The following GPR158 variants were observed in gnomAD, a reference collection of about 807,000 sequenced individuals.
GPR158 encodes the protein metabotropic glycine receptor.
GPR158 carries 30 observed loss-of-function variants against 78.2 expected under a neutral mutation model. The observed-to-expected ratio is 0.38, with a 90% CI of 0.29 to 0.52. The LOEUF (loss-of-function observed/expected upper bound fraction) is 0.52, where lower values mean the gene tolerates loss of function less well. Among genes scored for constraint, GPR158 ranks in the 20% least tolerant of loss-of-function variants. The pLI, the probability that GPR158 is intolerant of heterozygous loss-of-function variation, is 0.83. For synonymous variants in GPR158, 581 were observed against 591.1 expected (o/e 0.98, Z 0.25); for missense variants, 1,463 against 1,523.5 (o/e 0.96, Z 0.66).
At chr10:25,549,637 G>A (rs368936752) in intron 5 of GPR158, among the ~76,000 whole-genome samples, 1 of 152,038 alleles carries the variant, frequency 6.6e-6, no homozygotes, top group East Asian at 1.9e-4. Context: ...AAACAACATT[G>A]TCTCCTGTTC....
chr10:25,311,784 AT>A (rs1182668972), intron 2 of GPR158, among the ~76,000 whole-genome samples: 1 of 151,788 alleles, frequency 6.6e-6, no homozygotes, highest in Non-Finnish European at 1.5e-5. Flanking sequence ...ATGTTCATTA[AT>A]TTTTTTAAAA....
intron 4 of GPR158, among the ~76,000 whole-genome samples, chr10:25,464,756 C>T (rs932299036): frequency 5.3e-5 from 8 of 152,134 alleles, no homozygotes; most frequent in Admixed American, 4.6e-4. Flanking sequence ...TACAGACAGT[C>T]ATGTATAATA....
intron 4 of GPR158, among the ~76,000 whole-genome samples, chr10:25,460,309 C>T (rs1835341433): frequency 6.6e-6 from 1 of 151,764 alleles, no homozygotes; most frequent in African/African-American, 2.4e-5. Flanking sequence ...TCAAGCAATT[C>T]TCCTGCCTCA....
intron 2 of GPR158, among the ~76,000 whole-genome samples, chr10:25,259,704 A>G (rs541263390): frequency 8.0e-4 from 122 of 152,248 alleles, no homozygotes; most frequent in Non-Finnish European, 1.5e-3. Flanking sequence ...AAAATACTGC[A>G]TTCCTGTTTC....
intron 7 of GPR158, among the ~76,000 whole-genome samples, chr10:25,585,936 G>T (rs1350116953): frequency 6.6e-6 from 1 of 152,096 alleles, no homozygotes; most frequent in African/African-American, 2.4e-5. Flanking sequence ...CCACGATCGT[G>T]CCACAACACT....
chr10:25,586,650 T>G (rs1837273246), intron 7 of GPR158, among the ~76,000 whole-genome samples: 1 of 152,080 alleles, frequency 6.6e-6, no homozygotes, highest in Non-Finnish European at 1.5e-5. Context: ...CTGACCAGCC[T>G]GATCCACCTG....
chr10:25,415,072 C>G (rs1404075663), intron 4 of GPR158, among the ~76,000 whole-genome samples: 1 of 152,034 alleles, frequency 6.6e-6, no homozygotes. Flanking sequence ...ACCCAAGAAA[C>G]TTTTATTAGG....
At chr10:25,420,066 C>A (rs768335592) in intron 4 of GPR158, among the ~76,000 whole-genome samples, 6 of 152,092 alleles carry the variant, frequency 3.9e-5, no homozygotes, top group Non-Finnish European at 5.9e-5. Context: ...TAATCTCTTA[C>A]TAGATATATG....
At chr10:25,204,528 T>C (rs1852987887) in intron 1 of GPR158, among the ~76,000 whole-genome samples, 1 of 152,202 alleles carries the variant, frequency 6.6e-6, no homozygotes. Flanking sequence ...GTTTCTGTTT[T>C]GGTTCTGTTT....
intron 2 of GPR158, among the ~76,000 whole-genome samples, chr10:25,299,718 C>T (rs892037926): frequency 8.5e-5 from 13 of 152,176 alleles, no homozygotes; most frequent in African/African-American, 3.1e-4. Flanking sequence ...TGTTTATACT[C>T]GTGTCTTTCT....
intron 1 of GPR158, among the ~76,000 whole-genome samples, chr10:25,198,394 C>T (rs1000369565): frequency 6.6e-6 from 1 of 152,114 alleles, no homozygotes; most frequent in Non-Finnish European, 1.5e-5. Flanking sequence ...GGGAGGAGAA[C>T]ATTTCCTTGC....
At chr10:25,588,240 A>G (rs544466204) in intron 7 of GPR158, among the ~76,000 whole-genome samples, 11 of 152,368 alleles carry the variant, frequency 7.2e-5, no homozygotes, top group African/African-American at 2.2e-4. Context: ...CCAAATGAAG[A>G]AATTGACCAG....
At chr10:25,511,434 G>C (rs1836085452) in intron 5 of GPR158, among the ~76,000 whole-genome samples, 1 of 152,086 alleles carries the variant, frequency 6.6e-6, no homozygotes, top group Admixed American at 6.5e-5. Flanking sequence ...GTAGATTCCG[G>C]ATATTAGTCC....
chr10:25,241,189 C>CTTT (rs1364067292), intron 2 of GPR158, among the ~76,000 whole-genome samples: 186 of 56,024 alleles, frequency 3.3e-3, no homozygotes, highest in African/African-American at 7.9e-3. Context: ...TTCTTTCTTT[C>CTTT]CTTTCTTTCT....
At chr10:25,550,211 T>C (rs1433925729) in intron 5 of GPR158, among the ~76,000 whole-genome samples, 2 of 152,320 alleles carry the variant, frequency 1.3e-5, no homozygotes, top group East Asian at 3.9e-4. Flanking sequence ...GTTACTTGAA[T>C]GCAATTTCCT....
chr10:25,432,743 C>T (rs1045521959), intron 4 of GPR158, among the ~76,000 whole-genome samples: 3 of 152,048 alleles, frequency 2.0e-5, no homozygotes, highest in African/African-American at 7.2e-5. Flanking sequence ...TATTCTTCTC[C>T]CTCACTCTCT....
At chr10:25,444,413 G>A (rs948056435) in intron 4 of GPR158, among the ~76,000 whole-genome samples, 5 of 151,584 alleles carry the variant, frequency 3.3e-5, no homozygotes, top group Non-Finnish European at 7.4e-5. Context: ...ATGTGGGTGA[G>A]TGTGAGTGTA....
Position 25,175,194 on chromosome 10 carries a change from C to T in GPR158, c.-227C>T, listed in dbSNP as rs1252211929. On this transcript the variant is annotated 5_prime_UTR_variant, in exon 1 of 11. Transcript: ENST00000376351. The surrounding 1 kb of genome is among the most constrained non-coding windows in gnomAD (Gnocchi z 6.4). ...CGTAATCCCCAGCCGGCCCCTCGCG[C>T]AGCGGGCACGGCCAGCGCTGCCACA... The T allele has an allele frequency of 2.1e-6, 1 of 473,284 alleles. No individual in the cohort carries two copies. The highest frequency in any genetic ancestry group is 3.7e-6 in the Non-Finnish European group (1 of 268,962). 29.3% of individuals were successfully genotyped at this position (473,284 alleles called of 1,614,324 possible). A position where few individuals can be genotyped will look rare whatever the true frequency, so the allele number is the denominator to read the frequency against.
At chr10:25,235,798 G>T (rs1379793628) in intron 2 of GPR158, among the ~76,000 whole-genome samples, 1 of 148,946 alleles carries the variant, frequency 6.7e-6, no homozygotes, top group Non-Finnish European at 1.5e-5. Flanking sequence ...CCGGGTTCAC[G>T]CCATTCTCCT....
Sources: gnomAD v4.1 joint callset for allele counts (sites outside exome capture counted in the v4.1 genomes callset) on GRCh38, gnomAD v4.1.1 for gene constraint, Gnocchi (gnomAD v3.1) non-coding constraint, MANE v1.5 for transcripts, NCBI Gene and HGNC (gene_info 2026-07-23, HGNC 2026-07-21) for gene names.